OLFM3: variants seen among roughly 807,000 people sequenced by gnomAD.
OLFM3 encodes noelin-3.
In OLFM3, 20 loss-of-function variants were observed where a neutral mutation model predicts 48.6. The observed-to-expected ratio is 0.41, with a 90% CI of 0.29 to 0.60. OLFM3 has a LOEUF of 0.60. OLFM3 is among the 20% of genes least tolerant of loss of function. The probability of loss-of-function intolerance (pLI) is 0.28; values close to 1 mark genes in which losing one functional copy is unlikely to be tolerated. For missense variants in OLFM3, 437 were observed against 544.3 expected (o/e 0.80, Z 1.96); for synonymous variants, 222 against 198.1 (o/e 1.12, Z -1.01).
intron 1 of OLFM3, among the ~76,000 whole-genome samples, chr1:101,935,423 A>T (rs1239077264): frequency 2.0e-5 from 3 of 152,156 alleles, no homozygotes; most frequent in African/African-American, 7.2e-5. Flanking sequence ...AGATTGAATC[A>T]GGAAGAAATT....
At chr1:101,972,657 T>C in intron 1 of OLFM3, among the ~76,000 whole-genome samples, 1 of 152,224 alleles carries the variant, frequency 6.6e-6, no homozygotes, top group East Asian at 1.9e-4. Context: ...AAGCACAATC[T>C]AGCAGTTTTT....
intron 1 of OLFM3, among the ~76,000 whole-genome samples, chr1:101,864,276 C>T (rs573232959): frequency 7.4e-4 from 112 of 152,084 alleles, no homozygotes; most frequent in Non-Finnish European, 1.4e-3. Flanking sequence ...AAGCAGCAAG[C>T]TGCAGTTACG....
chr1:101,910,259 G>A (rs987935814), intron 1 of OLFM3: 98 of 284,240 alleles, frequency 3.4e-4, no homozygotes, highest in Non-Finnish European at 4.4e-4. Context: ...AAGGTCAGGA[G>A]ATCGAGACCA....
intron 1 of OLFM3, among the ~76,000 whole-genome samples, chr1:101,915,210 G>T (rs956254514): frequency 6.6e-5 from 10 of 151,910 alleles, no homozygotes; most frequent in Admixed American, 3.3e-4. Context: ...TGTATAATTG[G>T]GCCATTATGC....
chr1:101,858,872 T>C (rs1457617187), intron 1 of OLFM3, among the ~76,000 whole-genome samples: 4 of 152,080 alleles, frequency 2.6e-5, no homozygotes, highest in African/African-American at 7.3e-5. Flanking sequence ...GGTAGTTCTT[T>C]ATAGCAATGT....
rs151034467 is a variant in OLFM3 at position 101,879,485 on chromosome 1, T to C, written c.70-42460A>G. On this transcript the variant is annotated intron_variant, in intron 1 of 5. Transcript: ENST00000370103. ...ACCTTCCGTTTGTAAAAGATTTTGA[T>C]TGATATTGGTTTCATATTTTATATG... Among the ~76,000 whole-genome samples the C allele has an allele frequency of 5.9e-5, 9 of 152,016 alleles. No individual in the cohort carries two copies. In the East Asian group the frequency reaches 1.6e-3, roughly 26 times the overall value.
chr1:101,969,640 T>A (rs1249810992), intron 1 of OLFM3, among the ~76,000 whole-genome samples: 3 of 152,170 alleles, frequency 2.0e-5, no homozygotes, highest in Non-Finnish European at 4.4e-5. Flanking sequence ...AGGTGAGATT[T>A]TCTATTTCTA....
intron 1 of OLFM3, among the ~76,000 whole-genome samples, chr1:101,924,674 A>G (rs1031236994): frequency 2.0e-5 from 3 of 152,144 alleles, no homozygotes; most frequent in Non-Finnish European, 4.4e-5. Flanking sequence ...GTCACACCTA[A>G]CTGGCTGCTT....
intron 3 of OLFM3, among the ~76,000 whole-genome samples, chr1:101,829,516 A>G (rs994120271): frequency 1.1e-4 from 16 of 152,230 alleles, no homozygotes; most frequent in African/African-American, 3.9e-4. Context: ...TCTCTGGAGT[A>G]CCACTGAAGA....
intron 1 of OLFM3, among the ~76,000 whole-genome samples, chr1:101,912,041 A>G (rs1017124104): frequency 3.3e-5 from 5 of 152,220 alleles, no homozygotes; most frequent in African/African-American, 7.2e-5. Context: ...GTCCTCAGCC[A>G]GGAGAAGAAG....
intron 1 of OLFM3, among the ~76,000 whole-genome samples, chr1:101,978,324 G>A (rs1030976873): frequency 1.4e-4 from 22 of 152,026 alleles, no homozygotes; most frequent in African/African-American, 4.8e-4. Context: ...TTAAAGATAA[G>A]ATACGGAAAA....
At chr1:101,939,342 A>G (rs1233199582) in intron 1 of OLFM3, among the ~76,000 whole-genome samples, 1 of 152,186 alleles carries the variant, frequency 6.6e-6, no homozygotes, top group African/African-American at 2.4e-5. Context: ...GGTATTTTGA[A>G]AGTGGCTTTT....
chr1:101,857,267 C>T (rs895324963), intron 1 of OLFM3, among the ~76,000 whole-genome samples: 1 of 152,062 alleles, frequency 6.6e-6, no homozygotes, highest in Admixed American at 6.6e-5. Flanking sequence ...TAACTGTTGT[C>T]AGGAAAACAG....
chr1:101,893,629 T>C, intron 1 of OLFM3: 1 of 196,272 alleles, frequency 5.1e-6, no homozygotes, highest in Non-Finnish European at 1.1e-5. Context: ...ATACAGCTGG[T>C]TGTAGTATTG....
intron 1 of OLFM3, among the ~76,000 whole-genome samples, chr1:101,845,089 GT>G (rs1655924868): frequency 1.3e-5 from 2 of 151,978 alleles, no homozygotes; most frequent in Admixed American, 6.6e-5. Context: ...CCATTTACTG[GT>G]TTATTTTCAG....
intron 1 of OLFM3, among the ~76,000 whole-genome samples, chr1:101,973,422 G>A (rs767984467): frequency 6.6e-6 from 1 of 152,164 alleles, no homozygotes; most frequent in Non-Finnish European, 1.5e-5. Context: ...AGGCTCACTC[G>A]CGTTGTCCAG....
In OLFM3 at chr1:101,807,402, T is replaced by C. The variant is rs114409120; in HGVS notation, c.593-1220A>G. Among the ~76,000 whole-genome samples the C allele has an allele frequency of 6.2e-3, 942 of 151,952 alleles. 11 individuals carry two copies. Among genetic ancestry groups the C allele is most frequent in the African/African-American group, 0.022 (903 of 41,534 alleles). ...TCTTTTGGGTCCTACTTGTTCTACA[T>C]ATCTTCTTTCCTCCTCTGACTATTT... On this transcript the variant is annotated intron_variant, in intron 4 of 5. Coordinates refer to ENST00000370103, the MANE Select transcript of OLFM3 (RefSeq NM_058170.4).
At chr1:101,885,828 A>G (rs1318152279) in intron 1 of OLFM3, among the ~76,000 whole-genome samples, 1 of 152,080 alleles carries the variant, frequency 6.6e-6, no homozygotes, top group Non-Finnish European at 1.5e-5. Flanking sequence ...GTGCCAATCA[A>G]TGCTTTATGC....
chr1:101,898,909 A>G (rs1658296801), intron 1 of OLFM3, among the ~76,000 whole-genome samples: 1 of 152,208 alleles, frequency 6.6e-6, no homozygotes, highest in Non-Finnish European at 1.5e-5. Flanking sequence ...AATCTTGAAC[A>G]TGTATTTAAT....
Sources: allele counts gnomAD v4.1 joint callset (sites outside exome capture counted in the v4.1 genomes callset), GRCh38; gene constraint gnomAD v4.1.1; transcripts MANE v1.5; gene names NCBI Gene and HGNC (gene_info 2026-07-23, HGNC 2026-07-21).